The following SPIRE1 variants were observed in gnomAD, a reference collection of about 807,000 sequenced individuals.
SPIRE1 encodes spire type actin nucleation factor 1.
In SPIRE1, 40 loss-of-function variants were observed where a neutral mutation model predicts 94.1. The observed-to-expected ratio is 0.43, with a 90% confidence interval of 0.33 to 0.55. The LOEUF (loss-of-function observed/expected upper bound fraction) is 0.55. Among genes scored for constraint, SPIRE1 ranks in the 20% least tolerant of loss-of-function variants. SPIRE1 has a pLI of 0.06. For missense variants in SPIRE1, 838 were observed against 975.2 expected, an observed-to-expected ratio of 0.86 and a Z score of 1.87; for synonymous variants, 376 against 371.7, an observed-to-expected ratio of 1.01 and a Z score of -0.13.
chr18:12,654,119 C>T (rs1222795229), intron 1 of SPIRE1, among the ~76,000 whole-genome samples: 1 of 147,490 alleles, frequency 6.8e-6, no homozygotes, highest in Admixed American at 6.7e-5. Flanking sequence ...GGTGGATCAC[C>T]TGAGGTCAGG....
At chr18:12,558,861 C>T (rs1363405846) in intron 2 of SPIRE1, among the ~76,000 whole-genome samples, 1 of 151,134 alleles carries the variant, frequency 6.6e-6, no homozygotes, top group African/African-American at 2.4e-5. Flanking sequence ...AGTGCTGACT[C>T]GTGCATCCAC....
intron 2 of SPIRE1, among the ~76,000 whole-genome samples, chr18:12,610,383 C>A (rs1277821300): frequency 6.6e-6 from 1 of 152,116 alleles, no homozygotes; most frequent in African/African-American, 2.4e-5. Context: ...ATCTTTCAAC[C>A]CCATCAGGCC....
chr18:12,479,761 C>CAG lies in SPIRE1; in HGVS notation c.1340_1341dup (p.Ala448LeufsTer86), dbSNP rs1381609668. On this transcript the variant is annotated frameshift_variant, in exon 10 of 17. Coordinates refer to ENST00000409402, the MANE Select transcript of SPIRE1 (RefSeq NM_001128626.2). LOFTEE classifies it high-confidence loss of function. ...GCTCTGAGGAGCTTCTTCCGCTGTG[C>CAG]AGGCACCTGCTGTGAGGTACTTAAC... 1 of 1,613,994 alleles carries CAG rather than the reference C, an allele frequency of 6.2e-7. No individual in the cohort carries two copies. Among genetic ancestry groups the CAG allele is most frequent in the Non-Finnish European group, 8.5e-7 (1 of 1,180,012 alleles).
At chr18:12,477,448 C>T (rs1043493665) in intron 10 of SPIRE1, among the ~76,000 whole-genome samples, 2 of 152,136 alleles carry the variant, frequency 1.3e-5, no homozygotes, top group African/African-American at 4.8e-5. Flanking sequence ...GAGCTAGATG[C>T]TTTTAAAATG....
At chr18:12,454,127 C>T (rs191625211) in intron 13 of SPIRE1, among the ~76,000 whole-genome samples, 9 of 152,204 alleles carry the variant, frequency 5.9e-5, no homozygotes, top group Non-Finnish European at 1.0e-4. Flanking sequence ...GTTATGGTTG[C>T]TTGAAAACCT....
chr18:12,474,406 T>TGAAGGATGG (rs1169175277), intron 10 of SPIRE1, among the ~76,000 whole-genome samples: 1 of 151,262 alleles, frequency 6.6e-6, no homozygotes, highest in African/African-American at 2.4e-5. Context: ...CAGGAGGCCC[T>TGAAGGATGG]GAAGGATGGG....
chr18:12,654,914 G>A (rs2038493451), intron 1 of SPIRE1, among the ~76,000 whole-genome samples: 1 of 151,946 alleles, frequency 6.6e-6, no homozygotes, highest in African/African-American at 2.4e-5. Flanking sequence ...TATAGTCCCA[G>A]CTGCTCGGGA....
intron 2 of SPIRE1, among the ~76,000 whole-genome samples, chr18:12,623,548 A>G (rs990050845): frequency 6.6e-6 from 1 of 152,220 alleles, no homozygotes; most frequent in Non-Finnish European, 1.5e-5. Flanking sequence ...TCCGCATTGC[A>G]TTATGTGTGC....
intron 7 of SPIRE1, 105 bp from the exon 8 acceptor site, chr18:12,493,306 ACT>A: frequency 1.9e-6 from 2 of 1,029,830 alleles, no homozygotes; most frequent in Non-Finnish European, 2.8e-6. Flanking sequence ...TGACTGGAAC[ACT>A]GCTTGATAAA....
chr18:12,656,950 A>T (rs537733797), intron 1 of SPIRE1, among the ~76,000 whole-genome samples: 3 of 152,182 alleles, frequency 2.0e-5, no homozygotes, highest in Admixed American at 6.5e-5. Context: ...CTATTTTTCC[A>T]TTTCTCCCCA....
At chr18:12,465,992 G>A (rs2032078276) in intron 10 of SPIRE1, among the ~76,000 whole-genome samples, 1 of 151,844 alleles carries the variant, frequency 6.6e-6, no homozygotes, top group Admixed American at 6.6e-5. Context: ...GCAGAGGCAG[G>A]AGAATTGCTT....
chr18:12,599,072 C>T lies in SPIRE1; in HGVS notation c.372+35990G>A, dbSNP rs551330064. On this transcript the variant is annotated intron_variant, in intron 2 of 16. Coordinates refer to ENST00000409402, the MANE Select transcript of SPIRE1 (RefSeq NM_001128626.2). ...GAGAGTAAGTCACAAACTTTATGCC[C>T]ATCTCTTCTCCAAATATCTACAAAT... Among the ~76,000 whole-genome samples, 9 of 152,190 alleles carry T rather than the reference C, an allele frequency of 5.9e-5. No homozygotes were observed. The South Asian group carries it at 1.7e-3, about 28-fold the overall frequency.
chr18:12,605,895 C>T (rs186202790), intron 2 of SPIRE1, among the ~76,000 whole-genome samples: 1 of 152,110 alleles, frequency 6.6e-6, no homozygotes, highest in Non-Finnish European at 1.5e-5. Context: ...GCTTGGCCTC[C>T]CTCGTTCACC....
chr18:12,648,706 A>G lies in SPIRE1; in HGVS notation c.337+8824T>C, dbSNP rs1567991094. On this transcript the variant is annotated intron_variant, in intron 1 of 16. Transcript: ENST00000409402. The stretch of plus-strand genomic sequence containing the variant: ...GGAGTTTGAGACCAGCCTGACCAAC[A>G]TGGAGAAACTCCGTCTCTACTAAAA... 7.9e-5 allele frequency among the ~76,000 whole-genome samples: 12 copies of G among 152,170 alleles called. No homozygotes were observed. In the South Asian group the frequency reaches 2.5e-3, roughly 32 times the overall value.
At chr18:12,499,742 T>C (rs2033591406) in intron 6 of SPIRE1, among the ~76,000 whole-genome samples, 1 of 152,166 alleles carries the variant, frequency 6.6e-6, no homozygotes, top group African/African-American at 2.4e-5. Flanking sequence ...AATAGATAAA[T>C]TGTATTTCAG....
At chr18:12,455,822 C>A (rs967312433) in intron 12 of SPIRE1, among the ~76,000 whole-genome samples, 4 of 152,180 alleles carry the variant, frequency 2.6e-5, no homozygotes, top group Admixed American at 6.5e-5. Context: ...GAATCCAACA[C>A]GCCAGTGAGA....
At chr18:12,642,765 G>C (rs959616631) in intron 1 of SPIRE1, among the ~76,000 whole-genome samples, 1 of 152,156 alleles carries the variant, frequency 6.6e-6, no homozygotes, top group Non-Finnish European at 1.5e-5. Context: ...GGCCTGTCAG[G>C]GATGGCAGGG....
intron 2 of SPIRE1, among the ~76,000 whole-genome samples, chr18:12,601,957 G>A (rs1232095868): frequency 6.6e-6 from 1 of 152,086 alleles, no homozygotes; most frequent in Non-Finnish European, 1.5e-5. Context: ...GGGGAGCCCT[G>A]GTTACTGGTA....
chr18:12,599,211 C>T (rs1267905909), intron 2 of SPIRE1, among the ~76,000 whole-genome samples: 6 of 152,182 alleles, frequency 3.9e-5, no homozygotes. Context: ...TTGTACTATC[C>T]TTCCTAACCC....
Sources: gnomAD v4.1 joint callset for allele counts (sites outside exome capture counted in the v4.1 genomes callset) on GRCh38, gnomAD v4.1.1 for gene constraint, MANE v1.5 for transcripts, NCBI Gene and HGNC (gene_info 2026-07-23, HGNC 2026-07-21) for gene names.